Variants in PSD4 observed in about 807,000 individuals in gnomAD.
PSD4 encodes PH and SEC7 domain-containing protein 4.
In PSD4, 59 loss-of-function variants were observed where a neutral mutation model predicts 112.5. The observed-to-expected ratio is 0.52, with a 90% CI of 0.43 to 0.65. PSD4 has a LOEUF of 0.65. PSD4 is among the 30% of genes least tolerant of loss of function. The probability of loss-of-function intolerance (pLI) is 0.00; values close to 1 mark genes in which losing one functional copy is unlikely to be tolerated. For missense variants in PSD4, 1,267 were observed against 1,352.6 expected, an observed-to-expected ratio of 0.94 and a Z score of 0.99; for synonymous variants, 533 against 540.0, an observed-to-expected ratio of 0.99 and a Z score of 0.18.
At chr2:113,197,705 C>G (rs552962927) in intron 13 of PSD4, 42 bp from the exon 14 acceptor site, 1 of 1,609,682 alleles carries the variant, frequency 6.2e-7, no homozygotes, top group Admixed American at 1.7e-5. Context: ...GGAGGGTGGG[C>G]AGCTGATGAT....
intron 14 of PSD4, 105 bp downstream of exon 14, chr2:113,198,018 G>A: frequency 7.8e-7 from 1 of 1,278,140 alleles, no homozygotes; most frequent in Non-Finnish European, 1.0e-6. Context: ...GGGGGTCCTG[G>A]TGGGAATGGC....
intron 10 of PSD4, 97 bp downstream of exon 10, chr2:113,194,045 A>AAGTCTC (rs1174181961): frequency 8.4e-7 from 1 of 1,194,074 alleles, no homozygotes; most frequent in African/African-American, 1.5e-5. Flanking sequence ...TGGCTTTGCC[A>AAGTCTC]AAATATCCTT....
At chr2:113,186,282 T>G in intron 5 of PSD4, 27 bp downstream of exon 5, 2 of 1,537,354 alleles carry the variant, frequency 1.3e-6, no homozygotes, top group Non-Finnish European at 1.8e-6. Flanking sequence ...CTGGCTCTCA[T>G]GCTCCTAATT....
rs963502743 is a variant in PSD4, at chr2:113,206,133, C to T, written c.*4718C>T. 5.3e-5 allele frequency: 8 copies of T among 152,294 alleles called. No homozygotes were observed. Among genetic ancestry groups the T allele is most frequent in the African/African-American group, 1.9e-4 (8 of 41,454 alleles). The allele number at this position is 152,294 out of a possible 1,614,324, so 9.4% of individuals were successfully genotyped here. ...GGCTCTTTGAGCCTATTCTCTACCC[C>T]CTTCATTATCATGCCTTGCAAACAC... is the stretch of plus-strand genomic sequence containing the variant. On this transcript the variant is annotated 3_prime_UTR_variant, in exon 17 of 17. Coordinates refer to ENST00000245796, the MANE Select transcript of PSD4 (RefSeq NM_012455.3).
Position 113,201,602 on chromosome 2 carries a change from G to C in PSD4, c.*187G>C. The C allele has an allele frequency of 1.2e-6, 1 of 824,330 alleles. No homozygotes were observed. The highest frequency in any genetic ancestry group is 1.8e-5 in the South Asian group (1 of 55,280). 51.1% of individuals were successfully genotyped at this position (824,330 alleles called of 1,614,324 possible). A position where few individuals can be genotyped will look rare whatever the true frequency, so the allele number is the denominator to read the frequency against. On this transcript the variant is annotated 3_prime_UTR_variant, in exon 17 of 17. Coordinates refer to ENST00000245796, the MANE Select transcript of PSD4 (RefSeq NM_012455.3). The stretch of plus-strand genomic sequence containing the variant: ...TCCCTGAAGCTTTCCTAATATTGCT[G>C]TGCTCCCCACCACCCCCATGGCAGT...
At chr2:113,187,829 G>T (rs2104499497) in intron 5 of PSD4, among the ~76,000 whole-genome samples, 1 of 152,302 alleles carries the variant, frequency 6.6e-6, no homozygotes, top group Non-Finnish European at 1.5e-5. Context: ...ACGGGTCAGG[G>T]TCTTTGCTGG....
At chr2:113,184,817 T>G (rs1558888564) in intron 2 of PSD4, 140 bp from the exon 3 acceptor site, 1 of 1,253,472 alleles carries the variant, frequency 8.0e-7, no homozygotes, top group Non-Finnish European at 1.1e-6. Flanking sequence ...CTCCTTGGGC[T>G]GGCACCACCT....
rs1011418823 is a variant in PSD4 at position 113,199,173 on chromosome 2, C to G, written c.2860C>G (p.Arg954Gly). 2.6e-6 allele frequency: 4 copies of G among 1,524,446 alleles called. No individual in the cohort carries two copies. Among genetic ancestry groups the G allele is most frequent in the Admixed American group, 4.1e-5 (2 of 48,800 alleles). The allele number at this position is 1,524,446 out of a possible 1,614,324, so 94.4% of individuals were successfully genotyped here. Residue 954 changes from arginine (R) to glycine (G), a missense_variant, in exon 16 of 17, where the codon CGT (arginine) becomes GGT (glycine). Coordinates refer to ENST00000245796, the MANE Select transcript of PSD4 (RefSeq NM_012455.3). ...LQRNLPERRG[R>G]GRELEEHRLR... ...GAGGAACCTGCCGGAGCGGCGGGGC[C>G]GTGGCCGCGAGCTGGAGGAGCACCG...
chr2:113,204,664 A>T lies in PSD4; in HGVS notation c.*3249A>T, dbSNP rs1033028327. On this transcript the variant is annotated 3_prime_UTR_variant, in exon 17 of 17. Coordinates refer to ENST00000245796, the MANE Select transcript of PSD4 (RefSeq NM_012455.3). ...TGTGACCCAGGTTGTTACTCCTGAT[A>T]TAACTGCTTCCTGGGCTCTCATGAT... 6.6e-6 allele frequency: 1 copy of T among 152,202 alleles called. No individual in the cohort carries two copies. The highest frequency in any genetic ancestry group is 2.4e-5 in the African/African-American group (1 of 41,434). 9.4% of individuals were successfully genotyped at this position (152,202 alleles called of 1,614,324 possible).
chr2:113,197,532 C>A, intron 12 of PSD4, 32 bp from the exon 13 acceptor site: 2 of 1,613,286 alleles, frequency 1.2e-6, no homozygotes, highest in Non-Finnish European at 1.7e-6. Flanking sequence ...GGTGCCCCCA[C>A]CTACAACATT....
intron 6 of PSD4, 77 bp downstream of exon 6, chr2:113,192,666 G>A (rs1688480911): frequency 1.4e-6 from 2 of 1,466,010 alleles, no homozygotes; most frequent in Non-Finnish European, 1.9e-6. Context: ...CCCTCCACTG[G>A]CCACCCTCCC....
chr2:113,192,090 G>A lies in PSD4; in HGVS notation c.1629-290G>A, dbSNP rs1688456838. The stretch of plus-strand genomic sequence containing the variant: ...AGAAAACAACGCTAGGGGCCTCACA[G>A]GGATGCACCTGCCACCTGAGGTGAG... On this transcript the variant is annotated intron_variant, in intron 5 of 16. Transcript: ENST00000245796. Among the ~76,000 whole-genome samples, 3 of 151,748 alleles carry A rather than the reference G, an allele frequency of 2.0e-5. No homozygotes were observed. The South Asian group carries it at 6.3e-4, about 32-fold the overall frequency.
chr2:113,185,545 C>T, intron 4 of PSD4, 105 bp downstream of exon 4: 2 of 1,596,390 alleles, frequency 1.3e-6, no homozygotes, highest in Non-Finnish European at 1.7e-6. Context: ...TTAATGGGTC[C>T]CATTATATTG....
rs200550699 is a variant in PSD4, at chr2:113,193,863, T to C, written c.2096T>C (p.Ile699Thr). The C allele has an allele frequency of 3.7e-4, 596 of 1,613,826 alleles. 2 individuals carry two copies. The highest frequency in any genetic ancestry group is 1.6e-4 in the Middle Eastern group (1 of 6,082). Residue 699 changes from isoleucine to threonine, a missense_variant, in exon 10 of 17, where the codon ATT becomes ACT. Transcript: ENST00000245796. ...CCCACTTCTCCGTGGCTACAGAACATTGGGAAGAGCATGAGCTGCCAGGAA... is the reference window on the plus strand; with the variant it reads ...CCCACTTCTCCGTGGCTACAGAACACTGGGAAGAGCATGAGCTGCCAGGAA... Reference protein sequence around the residue: ...LLNTDLHGQNIGKSMSCQEFI... With the variant: ...LLNTDLHGQNTGKSMSCQEFI...
rs1688710553 is a variant in PSD4, at chr2:113,199,311, G to T, written c.2913+85G>T. The T allele has an allele frequency of 4.6e-6, 6 of 1,295,880 alleles. No homozygotes were observed. The South Asian group carries it at 6.7e-5, about 14-fold the overall frequency. The allele number at this position is 1,295,880 out of a possible 1,614,324, so 80.3% of individuals were successfully genotyped here. A position where few individuals can be genotyped will look rare whatever the true frequency, so the allele number is the denominator to read the frequency against. ...CGCCTCGGTCCCTGCAGCCGTCACT[G>T]CCCTGACCGCGCCGGGGCGGGGAGA... On this transcript the variant is annotated intron_variant, in intron 16 of 16. Coordinates refer to ENST00000245796, the MANE Select transcript of PSD4 (RefSeq NM_012455.3).
At chr2:113,195,616 G>A in intron 10 of PSD4, 111 bp from the exon 11 acceptor site, 1 of 1,098,710 alleles carries the variant, frequency 9.1e-7, no homozygotes, top group Non-Finnish European at 1.4e-6. Flanking sequence ...CTATGTTGTG[G>A]GTGGAGGAGG....
chr2:113,178,999 A>G (rs1253196695), intron 1 of PSD4, among the ~76,000 whole-genome samples: 5 of 152,042 alleles, frequency 3.3e-5, no homozygotes, highest in Non-Finnish European at 2.9e-5. Flanking sequence ...TTTCCCCTCT[A>G]TCTCTAAATA....
rs1336662595 is a variant in PSD4 at position 113,198,800 on chromosome 2, C to T, written c.2685C>T (p.Ser895=). 1.9e-6 allele frequency: 3 copies of T among 1,589,566 alleles called. No individual in the cohort carries two copies. Among genetic ancestry groups the T allele is most frequent in the African/African-American group, 2.7e-5 (2 of 74,588 alleles). Residue 895 remains serine, a synonymous_variant, in exon 15 of 17, where the codon TCC becomes TCT. Coordinates refer to ENST00000245796, the MANE Select transcript of PSD4 (RefSeq NM_012455.3). ...ARINLAAATH[S]APPFPAAVGS... is the part of the protein sequence containing the mutation. ...TCAACTTGGCTGCGGCCACGCACTC[C>T]GCGCCGCCCTTCCCCGCCGCTGTGG...
rs1000187401 is a variant in PSD4 at position 113,197,454 on chromosome 2, G to C, written c.2387-110G>C. ...TGCATTTGTGTGCATCCTGGTGAGA[G>C]ACTGGAGGTGGTGTGAGGGACAGGG... On this transcript the variant is annotated intron_variant, in intron 12 of 16. Transcript: ENST00000245796. 12 of 1,091,734 alleles carry C rather than the reference G, an allele frequency of 1.1e-5. No homozygotes were observed. The Admixed American group carries it at 2.1e-4, about 20-fold the overall frequency. 67.6% of individuals were successfully genotyped at this position (1,091,734 alleles called of 1,614,324 possible). A position where few individuals can be genotyped will look rare whatever the true frequency, so the allele number is the denominator to read the frequency against.
Sources: allele counts gnomAD v4.1 joint callset (sites outside exome capture counted in the v4.1 genomes callset), GRCh38; gene constraint gnomAD v4.1.1; transcripts MANE v1.5; gene names NCBI Gene and HGNC (gene_info 2026-07-23, HGNC 2026-07-21).